SLC12A7: variants seen among roughly 807,000 people sequenced by gnomAD.
SLC12A7 encodes the protein solute carrier family 12 member 7, also known as K-Cl cotransporter 4.
Under a neutral mutation model 120.6 loss-of-function variants are expected in SLC12A7, and 100 were observed. That is an observed-to-expected ratio of 0.83 (90% CI 0.71 to 0.98). The LOEUF (loss-of-function observed/expected upper bound fraction) is 0.98. Among genes scored for constraint, SLC12A7 ranks in the 50% least tolerant of loss-of-function variants. The probability of loss-of-function intolerance (pLI) is 0.00; values close to 1 mark genes in which losing one functional copy is unlikely to be tolerated. For missense variants in SLC12A7, 1,373 were observed against 1,548.1 expected (o/e 0.89, Z 1.90); for synonymous variants, 760 against 678.0 (o/e 1.12, Z -1.88).
At chr5:1,076,607 T>C in intron 13 of SLC12A7, 87 bp downstream of exon 13, 1 of 961,864 alleles carries the variant, frequency 1.0e-6, no homozygotes, top group Non-Finnish European at 1.6e-6. Context: ...TGTCTACTGC[T>C]TGTCCTGAGC....
rs1005650903 is a variant in SLC12A7 at position 1,088,316 on chromosome 5, A to G, written c.534T>C (p.Gly178=). The part of the protein sequence containing the change: ...AISMSAIATN[G]VVPAGGSYYM... ...GCGGGCACCCCTTACCTGGGACCAC[A>G]CCGTTGGTAGCGATCGCACTCATGG... Residue 178 remains glycine (G), a synonymous_variant, in exon 5 of 24, where the codon GGT becomes GGC. Transcript: ENST00000264930. The G allele has an allele frequency of 6.3e-6, 10 of 1,586,580 alleles. No homozygotes were observed. In the Admixed American group the frequency reaches 1.1e-4, roughly 17 times the overall value.
chr5:1,064,582 C>T (rs1253032820), intron 18 of SLC12A7, among the ~76,000 whole-genome samples: 5 of 152,232 alleles, frequency 3.3e-5, no homozygotes, highest in African/African-American at 9.6e-5. Context: ...GGCCTCAAGG[C>T]CCATCGGGAC....
chr5:1,147,015 T>C, the SLC12A7 span, among the ~76,000 whole-genome samples: 1 of 152,196 alleles, frequency 6.6e-6, no homozygotes, highest in Admixed American at 6.5e-5. Context: ...TCACAGACTT[T>C]CGCTCTTTTC....
the SLC12A7 span, among the ~76,000 whole-genome samples, chr5:1,132,101 A>G: frequency 0.48 from 72,920 of 152,066 alleles, 17,755 homozygotes; most frequent in South Asian, 0.54. Flanking sequence ...TCAGGAAGCC[A>G]TCCAATACCC....
chr5:1,099,157 C>T (rs936905370), intron 1 of SLC12A7, among the ~76,000 whole-genome samples: 3 of 152,152 alleles, frequency 2.0e-5, no homozygotes, highest in Admixed American at 6.5e-5. Flanking sequence ...GAAGCGGGGG[C>T]GAGGGATGGC....
In SLC12A7 at chr5:1,081,608, C is replaced by T; in HGVS notation, c.1266G>A (p.Leu422=). ...CGGAAGGGAAGTAGATGCCAACCAG[C>T]AGGGTGAAGGAGGCCGCGATGTCGG... ...VLTDIAASFT[L]LVGIYFPSVT... The change falls in exon 9 of 24, where the codon CTG becomes CTA. Residue 422 remains leucine, a synonymous_variant. Coordinates refer to ENST00000264930, the MANE Select transcript of SLC12A7 (RefSeq NM_006598.3). The T allele has an allele frequency of 1.2e-6, 2 of 1,607,266 alleles. No homozygotes were observed. Among genetic ancestry groups the T allele is most frequent in the South Asian group, 1.1e-5 (1 of 90,944 alleles).
chr5:1,057,449 G>A (rs201564873), intron 22 of SLC12A7, 22 bp downstream of exon 22: 3 of 1,595,494 alleles, frequency 1.9e-6, no homozygotes, highest in African/African-American at 1.3e-5. Context: ...GTTCCCCCCA[G>A]GCCACACGCA....
chr5:1,066,814 ACT>A (rs1320900807), intron 17 of SLC12A7, among the ~76,000 whole-genome samples: 2 of 151,814 alleles, frequency 1.3e-5, no homozygotes, highest in African/African-American at 4.8e-5. Flanking sequence ...CTCCCGGGAG[ACT>A]CTGGAGGCAG....
intron 1 of SLC12A7, among the ~76,000 whole-genome samples, chr5:1,106,851 T>G (rs570976583): frequency 6.6e-6 from 1 of 152,196 alleles, no homozygotes; most frequent in Admixed American, 6.5e-5. Context: ...ACAGGATCCT[T>G]ACACTAAAGC....
chr5:1,127,807 G>A, the SLC12A7 span, among the ~76,000 whole-genome samples: 1 of 152,182 alleles, frequency 6.6e-6, no homozygotes, highest in Non-Finnish European at 1.5e-5. Flanking sequence ...AAACACTGAA[G>A]GAAGAAATAA....
chr5:1,118,750 C>T, the SLC12A7 span, among the ~76,000 whole-genome samples: 1 of 152,224 alleles, frequency 6.6e-6, no homozygotes, highest in African/African-American at 2.4e-5. Flanking sequence ...GTGTGGGGGA[C>T]CCAGACAACA....
chr5:1,106,451 CAAAAAAAAAAAA>C (rs36005053), intron 1 of SLC12A7, among the ~76,000 whole-genome samples: 1 of 81,840 alleles, frequency 1.2e-5, no homozygotes, highest in Admixed American at 1.4e-4. Flanking sequence ...AACTCTGTCT[CAAAAAAAAAAAA>C]AAAAAAAAAA....
Position 1,085,490 on chromosome 5 carries a change from G to T in SLC12A7, c.676-17C>A. 1 of 1,581,712 alleles carries T rather than the reference G, an allele frequency of 6.3e-7. No homozygotes were observed. Among genetic ancestry groups the T allele is most frequent in the East Asian group, 2.3e-5 (1 of 43,262 alleles). ...GATGTACGTCTGTGGGAACAAGGCC[G>T]GTCGGGAGGCCGTCCCCGGACACAA... On this transcript the variant is annotated splice_polypyrimidine_tract_variant and intron_variant, in intron 6 of 23. Transcript: ENST00000264930.
rs754596739 is a variant in SLC12A7, at chr5:1,081,605, C to G, written c.1269G>C (p.Leu423=). ...TCACGGAAGGGAAGTAGATGCCAAC[C>G]AGCAGGGTGAAGGAGGCCGCGATGT... The part of the protein sequence containing the change: ...LTDIAASFTL[L]VGIYFPSVTG... The change falls in exon 9 of 24, where the codon CTG becomes CTC. Residue 423 remains leucine, a synonymous_variant. Transcript: ENST00000264930. 3 of 1,607,168 alleles carry G rather than the reference C, an allele frequency of 1.9e-6. No homozygotes were observed. Among genetic ancestry groups the G allele is most frequent in the African/African-American group, 1.3e-5 (1 of 74,876 alleles).
the SLC12A7 span, among the ~76,000 whole-genome samples, chr5:1,154,312 C>A: frequency 3.3e-5 from 5 of 151,638 alleles, no homozygotes; most frequent in Admixed American, 1.3e-4. Context: ...TCCCACCACA[C>A]CCCTGTACCA....
At chr5:1,077,700 G>A (rs1738518546) in intron 12 of SLC12A7, 133 bp downstream of exon 12, 5 of 942,980 alleles carry the variant, frequency 5.3e-6, no homozygotes, top group South Asian at 1.8e-5. Flanking sequence ...GCAGTGGCCA[G>A]GGGCAGAATG....
chr5:1,080,258 TCTGCCCC>T lies in SLC12A7; in HGVS notation c.1298-769_1298-763del, dbSNP rs1561068641. 0.016 allele frequency among the ~76,000 whole-genome samples: 62 copies of T among 3,920 alleles called. 14 individuals carry two copies. The South Asian group carries it at 0.23, about 14-fold the overall frequency. The allele number at this position is 3,920 out of a possible 152,430, so 2.6% of individuals were successfully genotyped here. On this transcript the variant is annotated intron_variant, in intron 9 of 23. Coordinates refer to ENST00000264930, the MANE Select transcript of SLC12A7 (RefSeq NM_006598.3). The stretch of plus-strand genomic sequence containing the variant: ...GAGACACCAGGAGCCACGCAGAGGC[TCTGCCCC>T]CACGCCCTCCACCCACGGCGCGGAG...
Position 1,085,337 on chromosome 5 carries a change from T to C in SLC12A7, c.812A>G (p.Lys271Arg), listed in dbSNP as rs751133386. ...LMALVVFVGV[K>R]YVNKLALVFL... ...GACCAGCGCCAGCTTGTTGACATAC[T>C]TGACGCCCACGAAGACCACCAGGGC... The change falls in exon 7 of 24, where the codon AAG (lysine) becomes AGG (arginine). Residue 271 changes from lysine (K) to arginine (R), a missense_variant. By Grantham distance (26) the Lys-to-Arg change is conservative. Coordinates refer to ENST00000264930, the MANE Select transcript of SLC12A7 (RefSeq NM_006598.3). The C allele has an allele frequency of 2.8e-5, 45 of 1,612,474 alleles. No individual in the cohort carries two copies. In the Admixed American group the frequency reaches 7.3e-4, roughly 26 times the overall value.
chr5:1,079,431 TC>T lies in SLC12A7; in HGVS notation c.1362del (p.Thr455ProfsTer5), dbSNP rs1738750282. 6.2e-7 allele frequency: 1 copy of T among 1,612,654 alleles called. No homozygotes were observed. The highest frequency in any genetic ancestry group is 8.5e-7 in the Non-Finnish European group (1 of 1,179,822). On this transcript the variant is annotated frameshift_variant, in exon 10 of 24. Coordinates refer to ENST00000264930, the MANE Select transcript of SLC12A7 (RefSeq NM_006598.3). LOFTEE classifies it high-confidence loss of function. The part of the protein sequence containing the change: ...LKDAQKSIPT[G>X]TILAIVTTSF... Reference sequence around the variant, plus strand: ...GACGTCGTCACTATGGCCAGGATGGTCCCCGTGGGGATGGACTTCTGTGCAT... The same window carrying T: ...GACGTCGTCACTATGGCCAGGATGGTCCCGTGGGGATGGACTTCTGTGCAT...
Sources: allele counts gnomAD v4.1 joint callset (sites outside exome capture counted in the v4.1 genomes callset), GRCh38; gene constraint gnomAD v4.1.1; transcripts MANE v1.5; gene names NCBI Gene and HGNC (gene_info 2026-07-23, HGNC 2026-07-21).